Variants in MGAT4C observed in about 807,000 individuals in gnomAD.
MGAT4C encodes the protein MGAT4 family member C, also known as alpha-1,3-mannosyl-glycoprotein 4-beta-N-acetylglucosaminyltransferase C.
In MGAT4C, 19 loss-of-function variants were observed where a neutral mutation model predicts 40.1. The ratio of observed to expected loss-of-function variants is 0.47; its 90% CI spans 0.33 to 0.70. The LOEUF is 0.70. MGAT4C is among the 30% of genes least tolerant of loss of function. MGAT4C has a pLI of 0.02. For synonymous variants in MGAT4C, 181 were observed against 187.1 expected (o/e 0.97, Z 0.27); for missense variants, 491 against 563.2 (o/e 0.87, Z 1.30).
At chr12:86,634,054 G>A (rs992617043) in intron 2 of MGAT4C, among the ~76,000 whole-genome samples, 4 of 152,144 alleles carry the variant, frequency 2.6e-5, no homozygotes, top group African/African-American at 7.2e-5. Context: ...CTTATTGTAA[G>A]TATATACTGA....
rs190910835 is a variant in MGAT4C, at chr12:86,384,019, A to G, written c.-119-49892T>C. ...TCCCATGCTGTTCTAATGATAGTGAATAAGTCTCATGAGATCTGATGGTTT... is the reference window on the plus strand; with the variant it reads ...TCCCATGCTGTTCTAATGATAGTGAGTAAGTCTCATGAGATCTGATGGTTT... On this transcript the variant is annotated intron_variant, in intron 3 of 7. Coordinates refer to the MGAT4C transcript ENST00000548651. 3.0e-3 allele frequency among the ~76,000 whole-genome samples: 452 copies of G among 152,274 alleles called. 2 individuals are homozygous for G. The highest frequency in any genetic ancestry group is 0.01 in the African/African-American group (430 of 41,564).
chr12:86,798,729 G>A (rs968739902), intron 1 of MGAT4C, among the ~76,000 whole-genome samples: 2 of 151,826 alleles, frequency 1.3e-5, no homozygotes, highest in African/African-American at 4.8e-5. Context: ...TAGAATACCA[G>A]CTGTTTATTG....
intron 1 of MGAT4C, among the ~76,000 whole-genome samples, chr12:86,779,415 C>T (rs10858483): frequency 0.34 from 51,361 of 151,364 alleles, 10,241 homozygotes; most frequent in Admixed American, 0.47. Context: ...AGCAGCATAG[C>T]GAGACCCCAT....
intron 2 of MGAT4C, among the ~76,000 whole-genome samples, chr12:86,527,759 T>A (rs1215228641): frequency 2.6e-5 from 4 of 152,226 alleles, no homozygotes; most frequent in Admixed American, 2.0e-4. Context: ...TTGTAGCTAT[T>A]ATAAATGGGA....
At chr12:86,187,982 C>T (rs1270187492) in intron 1 of MGAT4C, among the ~76,000 whole-genome samples, 1 of 152,012 alleles carries the variant, frequency 6.6e-6, no homozygotes, top group Non-Finnish European at 1.5e-5. Flanking sequence ...GCATTCACAT[C>T]CAAAGTGTAC....
chr12:86,134,883 C>T (rs1175519812), intron 1 of MGAT4C, among the ~76,000 whole-genome samples: 1 of 151,958 alleles, frequency 6.6e-6, no homozygotes, highest in Admixed American at 6.6e-5. Flanking sequence ...AACAGGCTTG[C>T]CTACAATAAG....
In MGAT4C at chr12:85,979,765, T is replaced by C. The variant is rs1884332349; in HGVS notation, c.961A>G (p.Thr321Ala). Residue 321 changes from threonine to alanine, a missense_variant, in exon 5 of 5, where the codon ACG (threonine) becomes GCG (alanine). Physicochemically the swap from Thr to Ala is moderately conservative, Grantham distance 58. Coordinates refer to ENST00000611864, the MANE Select transcript of MGAT4C (RefSeq NM_001351288.2). The part of the protein sequence containing the change: ...HMGYYSSYKG[T>A]ENKLKDDDFE... ...TCATCATCCTTCAGCTTATTCTCCG[T>C]CCCTTTGTATGATGAATAATAGCCC... 6.2e-7 allele frequency: 1 copy of C among 1,613,564 alleles called. No individual in the cohort carries two copies. Among genetic ancestry groups the C allele is most frequent in the Non-Finnish European group, 8.5e-7 (1 of 1,179,782 alleles).
chr12:86,470,648 T>C (rs1006585555), intron 2 of MGAT4C, among the ~76,000 whole-genome samples: 11 of 152,192 alleles, frequency 7.2e-5, no homozygotes, highest in Admixed American at 3.3e-4. Flanking sequence ...CTATAAATAC[T>C]ATTTAGACTT....
intron 2 of MGAT4C, among the ~76,000 whole-genome samples, chr12:86,442,732 G>A (rs1957255253): frequency 6.7e-6 from 1 of 149,126 alleles, no homozygotes; most frequent in Non-Finnish European, 1.5e-5. Flanking sequence ...GTACCAACTG[G>A]TCAGTGTTGA....
At chr12:86,110,914 A>G (rs1429411560) in intron 1 of MGAT4C, among the ~76,000 whole-genome samples, 1 of 151,778 alleles carries the variant, frequency 6.6e-6, no homozygotes, top group African/African-American at 2.4e-5. Context: ...TGCAGACTGC[A>G]GTGAGACTAT....
intron 2 of MGAT4C, among the ~76,000 whole-genome samples, chr12:86,632,508 A>G (rs1963086867): frequency 6.6e-6 from 1 of 152,142 alleles, no homozygotes; most frequent in Non-Finnish European, 1.5e-5. Flanking sequence ...AACCAGCCCA[A>G]ATGTCCATCA....
chr12:86,420,883 ATATGTG>A (rs1956812903), intron 3 of MGAT4C, among the ~76,000 whole-genome samples: 1 of 150,436 alleles, frequency 6.6e-6, no homozygotes, highest in African/African-American at 2.4e-5. Context: ...ACATACATGT[ATATGTG>A]TATATATACA....
intron 2 of MGAT4C, among the ~76,000 whole-genome samples, chr12:86,605,834 T>G (rs919164436): frequency 6.6e-6 from 1 of 152,130 alleles, no homozygotes; most frequent in East Asian, 1.9e-4. Context: ...AGATCACAGT[T>G]TATAGGCTAA....
chr12:86,052,031 C>A (rs1892946863), intron 1 of MGAT4C, among the ~76,000 whole-genome samples: 1 of 151,616 alleles, frequency 6.6e-6, no homozygotes, highest in South Asian at 2.1e-4. Context: ...TTATTATTTT[C>A]AAGAAATTTC....
chr12:86,398,216 G>A (rs951459205), intron 3 of MGAT4C, among the ~76,000 whole-genome samples: 10 of 152,118 alleles, frequency 6.6e-5, no homozygotes, highest in Non-Finnish European at 1.2e-4. Context: ...TTTTAGCAGA[G>A]GCTGTAGGGA....
chr12:86,716,548 T>G (rs1383132038), intron 2 of MGAT4C, among the ~76,000 whole-genome samples: 2 of 152,140 alleles, frequency 1.3e-5, no homozygotes, highest in Non-Finnish European at 2.9e-5. Context: ...GCTCTTCAAT[T>G]CCTTTCCCTT....
intron 1 of MGAT4C, among the ~76,000 whole-genome samples, chr12:86,053,174 T>C (rs1384151780): frequency 6.6e-6 from 1 of 151,962 alleles, no homozygotes; most frequent in Non-Finnish European, 1.5e-5. Flanking sequence ...GTGACTTTTT[T>C]TTTTTAACAT....
intron 3 of MGAT4C, among the ~76,000 whole-genome samples, chr12:86,419,840 G>C (rs1956787289): frequency 6.6e-6 from 1 of 152,124 alleles, no homozygotes; most frequent in Admixed American, 6.6e-5. Context: ...TATGTATTAA[G>C]AGAGTTGTAT....
At chr12:86,611,282 G>A (rs1160455769) in intron 2 of MGAT4C, among the ~76,000 whole-genome samples, 1 of 152,010 alleles carries the variant, frequency 6.6e-6, no homozygotes, top group Non-Finnish European at 1.5e-5. Flanking sequence ...CCTGAAGCCT[G>A]CTGTTCTGGA....
Sources: gnomAD v4.1 joint callset for allele counts (sites outside exome capture counted in the v4.1 genomes callset) on GRCh38, gnomAD v4.1.1 for gene constraint, MANE v1.5 for transcripts, NCBI Gene and HGNC (gene_info 2026-07-23, HGNC 2026-07-21) for gene names.